Variants in SLIT1 observed in about 807,000 individuals in gnomAD.
The protein encoded by SLIT1 is slit homolog 1 protein.
Under a neutral mutation model 186.1 loss-of-function variants are expected in SLIT1, and 66 were observed. The observed-to-expected ratio is 0.35, with a 90% confidence interval of 0.29 to 0.44. The LOEUF is 0.44. SLIT1 is among the 20% of genes least tolerant of loss of function. The probability of loss-of-function intolerance (pLI) is 1.00; values close to 1 mark genes in which losing one functional copy is unlikely to be tolerated. For missense variants in SLIT1, 1,638 were observed against 2,037.4 expected, an observed-to-expected ratio of 0.80 and a Z score of 3.77; for synonymous variants, 761 against 833.8, an observed-to-expected ratio of 0.91 and a Z score of 1.50.
At chr10:97,064,922 A>T in intron 5 of SLIT1, 46 bp from the exon 6 acceptor site, 1 of 1,490,680 alleles carries the variant, frequency 6.7e-7, no homozygotes, top group Non-Finnish European at 9.3e-7. Context: ...CATTGCCTAG[A>T]GTAAGGGTGT....
chr10:97,005,492 A>C (rs978499895), intron 32 of SLIT1, among the ~76,000 whole-genome samples: 1 of 152,194 alleles, frequency 6.6e-6, no homozygotes, highest in African/African-American at 2.4e-5. Context: ...ACACTGCCCC[A>C]TCTCCTTGGA....
chr10:97,152,185 C>A (rs1402944888), intron 4 of SLIT1, among the ~76,000 whole-genome samples: 1 of 152,132 alleles, frequency 6.6e-6, no homozygotes, highest in African/African-American at 2.4e-5. Context: ...TCACGGCCCT[C>A]CTGCCCACCA....
At chr10:97,109,632 A>G (rs1336786020) in intron 4 of SLIT1, among the ~76,000 whole-genome samples, 1 of 152,226 alleles carries the variant, frequency 6.6e-6, no homozygotes, top group South Asian at 2.1e-4. Context: ...GAGTTTGGAT[A>G]TTAACATTTC....
chr10:97,125,857 CA>C (rs1053873689), intron 4 of SLIT1, among the ~76,000 whole-genome samples: 6 of 149,780 alleles, frequency 4.0e-5, no homozygotes, highest in Admixed American at 3.3e-4. Flanking sequence ...CAAAAAAAAA[CA>C]AAAAAAACAA....
rs552692573 is a variant in SLIT1, at chr10:97,068,618, A to G, written c.414-2532T>C. ...GCACAGACACAGCTGTCCCTCCTCCAGAGCCGTCCCACCTGCTATCCCTGA... is the reference window on the plus strand; with the variant it reads ...GCACAGACACAGCTGTCCCTCCTCCGGAGCCGTCCCACCTGCTATCCCTGA... On this transcript the variant is annotated intron_variant, in intron 4 of 36. Coordinates refer to ENST00000266058, the MANE Select transcript of SLIT1 (RefSeq NM_003061.3). This position sits in a 1 kb window ranked among gnomAD's most constrained non-coding sequence, Gnocchi z 4.2. Among the ~76,000 whole-genome samples, 2 of 152,268 alleles carry G rather than the reference A, an allele frequency of 1.3e-5. No individual in the cohort carries two copies. Among genetic ancestry groups the G allele is most frequent in the South Asian group, 4.1e-4 (2 of 4,822 alleles).
rs1830552915 is a variant in SLIT1, at chr10:97,004,363, T to C, written c.3711-141A>G. 2.4e-6 allele frequency: 2 copies of C among 838,412 alleles called. No individual in the cohort carries two copies. 51.9% of individuals were successfully genotyped at this position (838,412 alleles called of 1,614,324 possible). A position where few individuals can be genotyped will look rare whatever the true frequency, so the allele number is the denominator to read the frequency against. On this transcript the variant is annotated intron_variant, in intron 33 of 36. Coordinates refer to ENST00000266058, the MANE Select transcript of SLIT1 (RefSeq NM_003061.3). The surrounding 1 kb of genome is among the most constrained non-coding windows in gnomAD (Gnocchi z 5.1). ...GAAAAGGACTGTGGGGGCTCAAGGG[T>C]CTATCGCATGATCCCTTTCACTCCC...
At chr10:97,141,770 T>TTGTA (rs1564686544) in intron 4 of SLIT1, among the ~76,000 whole-genome samples, 7 of 148,830 alleles carry the variant, frequency 4.7e-5, no homozygotes, top group South Asian at 2.1e-4. Context: ...TCGTATTGTA[T>TTGTA]CGTACTGTAT....
intron 13 of SLIT1, among the ~76,000 whole-genome samples, chr10:97,052,104 G>GTT (rs372886018): frequency 0.45 from 61,988 of 136,814 alleles, 17,170 homozygotes; most frequent in East Asian, 0.75. Context: ...TTTTTTGTTT[G>GTT]TTTTTTTTTT....
At chr10:97,019,161 G>T (rs1474887683) in intron 26 of SLIT1, 54 bp from the exon 27 acceptor site, 15 of 1,184,352 alleles carry the variant, frequency 1.3e-5, no homozygotes, top group Middle Eastern at 2.0e-4. Flanking sequence ...GCACAGGGCT[G>T]GGCACAGAGC....
intron 15 of SLIT1, 34 bp downstream of exon 15, chr10:97,047,939 G>A (rs368075112): frequency 2.0e-5 from 32 of 1,613,522 alleles, no homozygotes; most frequent in Middle Eastern, 1.6e-4. Flanking sequence ...CACCATTCCC[G>A]CCAGGCTGGC....
At chr10:97,104,753 C>T (rs1290648698) in intron 4 of SLIT1, among the ~76,000 whole-genome samples, 1 of 152,162 alleles carries the variant, frequency 6.6e-6, no homozygotes, top group Non-Finnish European at 1.5e-5. Context: ...CTCTCAGCAC[C>T]TCCTGAAGTC....
At chr10:97,122,472 C>T (rs1299323574) in intron 4 of SLIT1, among the ~76,000 whole-genome samples, 2 of 152,152 alleles carry the variant, frequency 1.3e-5, no homozygotes, top group African/African-American at 2.4e-5. Flanking sequence ...ATCCAGCCCA[C>T]GAGGTGAGGA....
At chr10:97,116,672 G>A (rs756992871) in intron 4 of SLIT1, among the ~76,000 whole-genome samples, 1 of 152,170 alleles carries the variant, frequency 6.6e-6, no homozygotes, top group African/African-American at 2.4e-5. Flanking sequence ...CCATGCAGTC[G>A]GGCTCCCCAG....
chr10:97,047,806 C>G lies in SLIT1; in HGVS notation c.1518G>C (p.Glu506Asp). The G allele has an allele frequency of 6.2e-7, 1 of 1,614,126 alleles. No individual in the cohort carries two copies. ...GGGGACAGACCACGTCGCTGTTGCA[C>G]TCGCTGTTCAGCTGGTAATCCTCCG... The part of the protein sequence containing the change: ...PGTEDYQLNS[E>D]CNSDVVCPHK... Residue 506 changes from glutamate (E) to aspartate (D), a missense_variant, in exon 16 of 37, where the codon GAG (glutamate) becomes GAC (aspartate). Physicochemically the swap from Glu to Asp is conservative, Grantham distance 45 (BLOSUM62 2). This residue lies in a region of SLIT1 where 1,245 missense variants were observed against 1,535.3 expected (regional missense o/e 0.81). Coordinates refer to ENST00000266058, the MANE Select transcript of SLIT1 (RefSeq NM_003061.3).
chr10:97,109,194 A>C (rs1849442855), intron 4 of SLIT1, among the ~76,000 whole-genome samples: 3 of 151,460 alleles, frequency 2.0e-5, no homozygotes, highest in African/African-American at 7.3e-5. Context: ...ACCAAAAAGC[A>C]AAAGAAAAAA....
chr10:97,116,112 C>T (rs949676886), intron 4 of SLIT1, among the ~76,000 whole-genome samples: 2 of 152,096 alleles, frequency 1.3e-5, no homozygotes, highest in Admixed American at 1.3e-4. Flanking sequence ...ATACATTTCA[C>T]GGGCTGTTGA....
At chr10:97,122,022 C>T (rs1225123609) in intron 4 of SLIT1, among the ~76,000 whole-genome samples, 1 of 152,240 alleles carries the variant, frequency 6.6e-6, no homozygotes, top group Admixed American at 6.5e-5. Flanking sequence ...GATTGAGCCA[C>T]TGCCCGCAGT....
intron 4 of SLIT1, among the ~76,000 whole-genome samples, chr10:97,082,685 C>T (rs558982096): frequency 1.8e-4 from 28 of 152,252 alleles, no homozygotes; most frequent in South Asian, 4.1e-4. Flanking sequence ...CTGCCCTCCT[C>T]GGCCTCCCAA....
At chr10:97,167,230 T>C (rs1307875495) in intron 1 of SLIT1, among the ~76,000 whole-genome samples, 1 of 152,182 alleles carries the variant, frequency 6.6e-6, no homozygotes, top group Non-Finnish European at 1.5e-5. Flanking sequence ...GAACTAAATA[T>C]TATTTCCCGA....
Sources: gnomAD v4.1 joint callset for allele counts (sites outside exome capture counted in the v4.1 genomes callset) on GRCh38, gnomAD v4.1.1 for gene constraint, gnomAD v4.1.1 regional missense constraint, Gnocchi (gnomAD v3.1) non-coding constraint, MANE v1.5 for transcripts, NCBI Gene and HGNC (gene_info 2026-07-23, HGNC 2026-07-21) for gene names.